Variants in RBM20 observed in about 807,000 individuals in gnomAD.
RBM20 encodes RNA-binding protein 20.
A neutral mutation model predicts 110.1 loss-of-function variants in RBM20; 51 were observed. That is an observed-to-expected ratio of 0.46 (90% CI 0.37 to 0.59). RBM20 has a LOEUF of 0.59. RBM20 is among the 20% of genes least tolerant of loss of function. RBM20 has a pLI of 0.00. For synonymous variants in RBM20, 589 were observed against 618.2 expected (o/e 0.95, Z 0.70); for missense variants, 1,512 against 1,574.9 (o/e 0.96, Z 0.68).
intron 1 of RBM20, among the ~76,000 whole-genome samples, chr10:110,721,043 GCT>G (rs1284804331): frequency 6.6e-6 from 1 of 152,160 alleles, no homozygotes; most frequent in African/African-American, 2.4e-5. Flanking sequence ...TACAGGACTG[GCT>G]TCCTTATTTC....
intron 1 of RBM20, among the ~76,000 whole-genome samples, chr10:110,767,087 C>T (rs1844101782): frequency 7.8e-6 from 1 of 128,760 alleles, no homozygotes; most frequent in African/African-American, 2.9e-5. Flanking sequence ...GGGGTGACCC[C>T]CCCACCTCCC....
chr10:110,809,218 T>TAAAAAAAAA lies in RBM20; in HGVS notation c.1801-1159_1801-1151dup, dbSNP rs60697105. On this transcript the variant is annotated intron_variant, in intron 7 of 13. Coordinates refer to ENST00000369519, the MANE Select transcript of RBM20 (RefSeq NM_001134363.3). ...AGTGACAGAGCAAGACCCCGTTTCT[T>TAAAAAAAAA]AAAAAAAAAAAAAATTGCATGATTC... Among the ~76,000 whole-genome samples the TAAAAAAAAA allele has an allele frequency of 2.6e-4, 16 of 60,724 alleles. 1 individual carries two copies. In the South Asian group the frequency reaches 5.1e-3, roughly 20 times the overall value. The allele number at this position is 60,724 out of a possible 152,430, so 39.8% of individuals were successfully genotyped here.
intron 1 of RBM20, among the ~76,000 whole-genome samples, chr10:110,709,426 C>T (rs1465568037): frequency 6.6e-6 from 1 of 152,114 alleles, no homozygotes; most frequent in African/African-American, 2.4e-5. Flanking sequence ...AGCATTGCTG[C>T]CTGTCTGTTA....
At chr10:110,752,850 T>C (rs1257542175) in intron 1 of RBM20, among the ~76,000 whole-genome samples, 3 of 150,244 alleles carry the variant, frequency 2.0e-5, no homozygotes, top group Non-Finnish European at 4.4e-5. Context: ...TTACCACTTG[T>C]GTTTCTATTA....
chr10:110,821,964 G>T (rs759306445), intron 11 of RBM20, 29 bp downstream of exon 11: 2 of 1,549,500 alleles, frequency 1.3e-6, no homozygotes, highest in South Asian at 2.4e-5. Context: ...CTCACGGGTG[G>T]TCGGGTTGAT....
chr10:110,703,429 A>T (rs375995820), intron 1 of RBM20, among the ~76,000 whole-genome samples: 13 of 152,272 alleles, frequency 8.5e-5, no homozygotes, highest in East Asian at 5.8e-4. Context: ...TATCAGTTAA[A>T]AATAAAACTA....
intron 1 of RBM20, among the ~76,000 whole-genome samples, chr10:110,762,260 A>G (rs1029853800): frequency 6.6e-6 from 1 of 152,136 alleles, no homozygotes; most frequent in Non-Finnish European, 1.5e-5. Flanking sequence ...TGAAGCAGGT[A>G]GCATAATTAG....
intron 1 of RBM20, among the ~76,000 whole-genome samples, chr10:110,735,808 A>G (rs575769939): frequency 5.9e-5 from 9 of 152,372 alleles, no homozygotes; most frequent in African/African-American, 1.2e-4. Flanking sequence ...CGAAAGGTAC[A>G]TAAGTCAAAG....
At chr10:110,684,424 C>CAAAACAAAAA (rs796315158) in intron 1 of RBM20, among the ~76,000 whole-genome samples, 3 of 151,106 alleles carry the variant, frequency 2.0e-5, no homozygotes, top group Non-Finnish European at 2.9e-5. Context: ...CAAAACAAAA[C>CAAAACAAAAA]AAAAGAAAAA....
intron 1 of RBM20, among the ~76,000 whole-genome samples, chr10:110,712,155 G>T (rs1862940612): frequency 6.6e-6 from 1 of 152,130 alleles, no homozygotes; most frequent in South Asian, 2.1e-4. Flanking sequence ...TCATTCTTCA[G>T]TAGGAAATGA....
At chr10:110,743,032 G>A (rs966327537) in intron 1 of RBM20, among the ~76,000 whole-genome samples, 5 of 152,128 alleles carry the variant, frequency 3.3e-5, no homozygotes, top group African/African-American at 9.7e-5. Flanking sequence ...ACTGTGGCAC[G>A]AGCCATCACT....
chr10:110,723,514 C>T (rs978926648), intron 1 of RBM20, among the ~76,000 whole-genome samples: 2 of 152,222 alleles, frequency 1.3e-5, no homozygotes, highest in Non-Finnish European at 1.5e-5. Context: ...TGTTTTCCAA[C>T]GTGGCTACAC....
At chr10:110,664,268 CTTG>C (rs2134828749) in intron 1 of RBM20, among the ~76,000 whole-genome samples, 1 of 152,204 alleles carries the variant, frequency 6.6e-6, no homozygotes, top group African/African-American at 2.4e-5. Flanking sequence ...GCTGGAATAT[CTTG>C]TTGTATCAGA....
intron 6 of RBM20, 50 bp downstream of exon 6, chr10:110,797,698 A>G: frequency 6.7e-7 from 1 of 1,499,466 alleles, no homozygotes; most frequent in Non-Finnish European, 9.0e-7. Context: ...ACCACACATT[A>G]GTGAAAGGGA....
intron 1 of RBM20, among the ~76,000 whole-genome samples, chr10:110,711,617 A>G (rs1248500345): frequency 6.6e-6 from 1 of 152,232 alleles, no homozygotes; most frequent in African/African-American, 2.4e-5. Flanking sequence ...AGGGGTTGAC[A>G]TTGCCCAGAT....
At chr10:110,650,168 C>G (rs2134803534) in intron 1 of RBM20, among the ~76,000 whole-genome samples, 1 of 152,248 alleles carries the variant, frequency 6.6e-6, no homozygotes, top group South Asian at 2.1e-4. Flanking sequence ...GACCCCTCCC[C>G]CCAAATAACT....
chr10:110,676,529 T>C (rs1862342564), intron 1 of RBM20, among the ~76,000 whole-genome samples: 1 of 152,258 alleles, frequency 6.6e-6, no homozygotes, highest in East Asian at 1.9e-4. Context: ...CATCACTTAG[T>C]ACTTCTTACA....
chr10:110,664,870 GTCTC>G (rs377098638), intron 1 of RBM20, among the ~76,000 whole-genome samples: 8 of 150,844 alleles, frequency 5.3e-5, no homozygotes, highest in Non-Finnish European at 7.4e-5. Flanking sequence ...TCCTTCTTCA[GTCTC>G]TCTCTCTCTC....
intron 1 of RBM20, among the ~76,000 whole-genome samples, chr10:110,729,469 T>A (rs73356966): frequency 6.6e-6 from 1 of 152,220 alleles, no homozygotes; most frequent in Non-Finnish European, 1.5e-5. Flanking sequence ...CTTTGATGCA[T>A]TGATCAACCC....
Sources: gnomAD v4.1 joint callset for allele counts (sites outside exome capture counted in the v4.1 genomes callset) on GRCh38, gnomAD v4.1.1 for gene constraint, MANE v1.5 for transcripts, NCBI Gene and HGNC (gene_info 2026-07-23, HGNC 2026-07-21) for gene names.